The following PRELID2 variants were observed in gnomAD, a reference collection of about 807,000 sequenced individuals.
PRELID2 encodes the protein PRELI domain containing 2.
Under a neutral mutation model 28.4 loss-of-function variants are expected in PRELID2, and 25 were observed. That is an observed-to-expected ratio of 0.88 (90% CI 0.64 to 1.23). PRELID2 has a LOEUF of 1.23. PRELID2 is among the 50% of genes most tolerant of loss of function. The pLI is 0.00. For synonymous variants in PRELID2, 76 were observed against 71.6 expected (o/e 1.06, Z -0.31); for missense variants, 201 against 214.4 (o/e 0.94, Z 0.39).
the PRELID2 span, among the ~76,000 whole-genome samples, chr5:145,443,900 G>C: frequency 5.9e-5 from 9 of 151,942 alleles, no homozygotes; most frequent in Non-Finnish European, 8.8e-5. Context: ...TGAGAGAGTG[G>C]GAAATTATTA....
At chr5:145,569,365 C>G (rs1045658386) in intron 1 of PRELID2, among the ~76,000 whole-genome samples, 2 of 151,926 alleles carry the variant, frequency 1.3e-5, no homozygotes, top group East Asian at 1.9e-4. Flanking sequence ...TGGATCCAGC[C>G]CTTAATTGTA....
At chr5:145,654,180 C>T (rs534629807) in intron 1 of PRELID2, among the ~76,000 whole-genome samples, 29 of 151,826 alleles carry the variant, frequency 1.9e-4, no homozygotes, top group African/African-American at 6.0e-4. Context: ...ACACATACAC[C>T]CTCCCAAGAC....
chr5:145,818,090 G>A (rs1239037262), intron 3 of PRELID2, 36 bp from the exon 4 acceptor site: 1 of 1,600,192 alleles, frequency 6.2e-7, no homozygotes, highest in Middle Eastern at 1.7e-4. Context: ...TTTCAATTTA[G>A]GAAGAGCAGG....
the PRELID2 span, among the ~76,000 whole-genome samples, chr5:145,366,480 G>C: frequency 6.6e-6 from 1 of 151,886 alleles, no homozygotes; most frequent in Non-Finnish European, 1.5e-5. Context: ...TGACAGTCCA[G>C]AAGGATACAG....
chr5:145,409,369 T>C, the PRELID2 span, among the ~76,000 whole-genome samples: 1 of 152,138 alleles, frequency 6.6e-6, no homozygotes, highest in African/African-American at 2.4e-5. Flanking sequence ...GTACCTAATA[T>C]CTCAATACTA....
At chr5:145,629,512 G>T (rs1453161522) in intron 1 of PRELID2, among the ~76,000 whole-genome samples, 2 of 152,102 alleles carry the variant, frequency 1.3e-5, no homozygotes, top group Non-Finnish European at 2.9e-5. Context: ...TAAACAGGCA[G>T]GTCTATGACA....
chr5:145,637,551 T>C lies in PRELID2; in HGVS notation n.70+127380A>G, dbSNP rs149381867. On this transcript the variant is annotated intron_variant and non_coding_transcript_variant, in intron 1 of 2. Coordinates refer to the PRELID2 transcript ENST00000510259. ...AAGCATTTCTCAGAACTGAATCATA[T>C]GGTTAACTGTCAGAAGAAAACTTGA... Among the ~76,000 whole-genome samples the C allele has an allele frequency of 3.1e-4, 47 of 151,540 alleles. No individual in the cohort carries two copies. In the South Asian group the frequency reaches 5.2e-3, roughly 17 times the overall value.
intron 1 of PRELID2, among the ~76,000 whole-genome samples, chr5:145,569,696 T>C (rs971738315): frequency 1.3e-5 from 2 of 152,270 alleles, no homozygotes; most frequent in Non-Finnish European, 2.9e-5. Context: ...ATTTGTTGAA[T>C]ATTTATTACG....
chr5:145,761,631 T>TAG (rs1432691660), intron 6 of PRELID2, among the ~76,000 whole-genome samples: 1 of 152,178 alleles, frequency 6.6e-6, no homozygotes, highest in Non-Finnish European at 1.5e-5. Flanking sequence ...GTAAATATTA[T>TAG]AGGCTTTGTA....
chr5:145,729,509 G>C (rs940261315), intron 1 of PRELID2, among the ~76,000 whole-genome samples: 9 of 151,752 alleles, frequency 5.9e-5, no homozygotes, highest in African/African-American at 2.2e-4. Flanking sequence ...AGATTCCTCT[G>C]GGTCTTACAC....
the PRELID2 span, among the ~76,000 whole-genome samples, chr5:145,466,052 T>C: frequency 6.6e-6 from 1 of 152,124 alleles, no homozygotes; most frequent in Non-Finnish European, 1.5e-5. Flanking sequence ...GAGCAGATTC[T>C]GCCTCAGAGA....
chr5:145,633,855 C>T (rs928979313), intron 1 of PRELID2, among the ~76,000 whole-genome samples: 1 of 152,122 alleles, frequency 6.6e-6, no homozygotes, highest in African/African-American at 2.4e-5. Flanking sequence ...GGTAATTTTG[C>T]GAAATACTTC....
chr5:145,732,822 AG>A (rs1172863110), intron 1 of PRELID2, among the ~76,000 whole-genome samples: 1 of 152,196 alleles, frequency 6.6e-6, no homozygotes, highest in Non-Finnish European at 1.5e-5. Flanking sequence ...AGGATAGCAC[AG>A]GGGTAGGAGT....
At chr5:145,330,529 C>G in the PRELID2 span, among the ~76,000 whole-genome samples, 1 of 152,124 alleles carries the variant, frequency 6.6e-6, no homozygotes, top group Admixed American at 6.5e-5. Flanking sequence ...GGAATTTATC[C>G]ATTTCTTCAA....
chr5:145,296,963 T>C, the PRELID2 span, among the ~76,000 whole-genome samples: 3 of 152,212 alleles, frequency 2.0e-5, no homozygotes, highest in East Asian at 1.9e-4. Flanking sequence ...CATTTTTTCA[T>C]GTGTTTTTTG....
the PRELID2 span, among the ~76,000 whole-genome samples, chr5:145,405,781 C>T: frequency 6.8e-6 from 1 of 147,102 alleles, no homozygotes; most frequent in African/African-American, 2.5e-5. Context: ...TCTCAGCTCA[C>T]TGCAAGCTCC....
intron 1 of PRELID2, among the ~76,000 whole-genome samples, chr5:145,538,151 T>G (rs1025062467): frequency 1.3e-5 from 2 of 151,900 alleles, no homozygotes; most frequent in Non-Finnish European, 2.9e-5. Context: ...TGCATATAAG[T>G]GAGTGAATTT....
At chr5:145,397,796 T>C in the PRELID2 span, among the ~76,000 whole-genome samples, 1 of 152,144 alleles carries the variant, frequency 6.6e-6, no homozygotes, top group Non-Finnish European at 1.5e-5. Flanking sequence ...TTGGTTAAAA[T>C]GGTCAGAGAA....
the PRELID2 span, among the ~76,000 whole-genome samples, chr5:145,404,937 T>C: frequency 1.3e-5 from 2 of 152,136 alleles, no homozygotes; most frequent in Non-Finnish European, 2.9e-5. Context: ...GAAGGCAGGA[T>C]GTGGGCAGGT....
Sources: gnomAD v4.1 joint callset for allele counts (sites outside exome capture counted in the v4.1 genomes callset) on GRCh38, gnomAD v4.1.1 for gene constraint, MANE v1.5 for transcripts, NCBI Gene and HGNC (gene_info 2026-07-23, HGNC 2026-07-21) for gene names.